Variants in MAP3K7 observed in about 807,000 individuals in gnomAD.
The protein encoded by MAP3K7 is mitogen-activated protein kinase kinase kinase 7.
In MAP3K7, 21 loss-of-function variants were observed where a neutral mutation model predicts 84.8. That is an observed-to-expected ratio of 0.25 (90% confidence interval 0.18 to 0.36). MAP3K7 has a LOEUF of 0.36. MAP3K7 is among the 10% of genes least tolerant of loss of function. The probability of loss-of-function intolerance (pLI) is 1.00; values close to 1 mark genes in which losing one functional copy is unlikely to be tolerated. For missense variants in MAP3K7, 503 were observed against 747.7 expected (o/e 0.67, Z 3.82); for synonymous variants, 241 against 247.7 (o/e 0.97, Z 0.25).
intron 1 of MAP3K7, among the ~76,000 whole-genome samples, chr6:90,574,835 C>T (rs1428821430): frequency 6.6e-6 from 1 of 152,176 alleles, no homozygotes; most frequent in African/African-American, 2.4e-5. Context: ...AAAACTTTCT[C>T]CTTTTTGCTC....
At chr6:90,525,061 T>A (rs905341172) in intron 13 of MAP3K7, among the ~76,000 whole-genome samples, 1 of 151,854 alleles carries the variant, frequency 6.6e-6, no homozygotes, top group Non-Finnish European at 1.5e-5. Flanking sequence ...AGCAAACTTA[T>A]CAGTAACCAC....
Position 90,516,462 on chromosome 6 carries a change from C to T in MAP3K7, c.*39G>A. On this transcript the variant is annotated 3_prime_UTR_variant, in exon 17 of 17. Coordinates refer to ENST00000369329, the MANE Select transcript of MAP3K7 (RefSeq NM_145331.3). ...GTTTTCCTTTCCTTAAAAAAAAAGT[C>T]TTTCTTTGCATATTTCAAAATGTAA... 1 of 1,584,292 alleles carries T rather than the reference C, an allele frequency of 6.3e-7. No individual in the cohort carries two copies. The highest frequency in any genetic ancestry group is 8.6e-7 in the Non-Finnish European group (1 of 1,169,012).
intron 12 of MAP3K7, among the ~76,000 whole-genome samples, chr6:90,537,873 TA>T (rs1775728945): frequency 6.6e-6 from 1 of 151,956 alleles, no homozygotes; most frequent in East Asian, 1.9e-4. Context: ...GACAGGCTTG[TA>T]AAAGTGTCTG....
chr6:90,522,894 T>C lies in MAP3K7; in HGVS notation c.1462+784A>G, dbSNP rs551442712. On this transcript the variant is annotated intron_variant, in intron 14 of 16. Coordinates refer to ENST00000369329, the MANE Select transcript of MAP3K7 (RefSeq NM_145331.3). The stretch of plus-strand genomic sequence containing the variant: ...TATAAAATATCAAATGCTTTAATTT[T>C]CCAAGGGCTAAGAGATCATCTTTCC... Among the ~76,000 whole-genome samples, 92 of 152,274 alleles carry C rather than the reference T, an allele frequency of 6.0e-4. 1 individual carries two copies. The South Asian group carries it at 0.016, about 27-fold the overall frequency.
At chr6:90,574,986 T>A (rs1777024833) in intron 1 of MAP3K7, among the ~76,000 whole-genome samples, 1 of 152,040 alleles carries the variant, frequency 6.6e-6, no homozygotes, top group Admixed American at 6.5e-5. Flanking sequence ...GATCTAAAGT[T>A]ATAATAAAGA....
Position 90,586,819 on chromosome 6 carries a change from G to T in MAP3K7, c.65C>A (p.Pro22His). 6.2e-7 allele frequency: 1 copy of T among 1,610,996 alleles called. No homozygotes were observed. Among genetic ancestry groups the T allele is most frequent in the Middle Eastern group, 1.7e-4 (1 of 6,032 alleles). ...CTCTTCAAAGTTGAGGACCTGGGAA[G>T]GGGCTTCGATCATCTCACCGGCCGA... ...SSSAGEMIEA[P>H]SQVLNFEEID... Residue 22 changes from proline (P) to histidine (H), a missense_variant, in exon 1 of 17, where the codon CCT (proline) becomes CAT (histidine). By Grantham distance (77) the Pro-to-His change is moderately conservative. Around this residue, in one of 5 missense-constraint regions of MAP3K7, gnomAD observed 41 missense variants for 41.4 expected, o/e 0.99. Transcript: ENST00000369329.
intron 8 of MAP3K7, 74 bp downstream of exon 8, chr6:90,551,975 T>G: frequency 6.7e-7 from 1 of 1,491,066 alleles, no homozygotes. Context: ...ATAACATCCC[T>G]TTTAAAATTC....
At chr6:90,583,285 C>T (rs1229318881) in intron 1 of MAP3K7, among the ~76,000 whole-genome samples, 1 of 152,098 alleles carries the variant, frequency 6.6e-6, no homozygotes, top group Non-Finnish European at 1.5e-5. Context: ...ATTTTGTTTC[C>T]CCTTTCCCAT....
At chr6:90,534,966 G>GA (rs958861103) in intron 13 of MAP3K7, among the ~76,000 whole-genome samples, 3 of 152,068 alleles carry the variant, frequency 2.0e-5, no homozygotes, top group African/African-American at 7.2e-5. Flanking sequence ...CTGAGGGGGA[G>GA]AAAACGGGAA....
At chr6:90,558,077 C>G (rs1175396489) in intron 5 of MAP3K7, among the ~76,000 whole-genome samples, 1 of 152,214 alleles carries the variant, frequency 6.6e-6, no homozygotes, top group Non-Finnish European at 1.5e-5. Context: ...AATCCCAGCA[C>G]TTTGGGAGGC....
At chr6:90,554,047 A>G (rs938983001) in intron 6 of MAP3K7, among the ~76,000 whole-genome samples, 1 of 152,138 alleles carries the variant, frequency 6.6e-6, no homozygotes, top group African/African-American at 2.4e-5. Flanking sequence ...CTGGGGCTAC[A>G]GGCATGCGCT....
chr6:90,586,133 G>C (rs1351399829), intron 1 of MAP3K7, among the ~76,000 whole-genome samples: 1 of 152,002 alleles, frequency 6.6e-6, no homozygotes, highest in Non-Finnish European at 1.5e-5. Flanking sequence ...AGCACTTTGG[G>C]AGGCCGAGGC....
chr6:90,558,855 T>C (rs1377305956), intron 5 of MAP3K7, among the ~76,000 whole-genome samples: 1 of 152,206 alleles, frequency 6.6e-6, no homozygotes, highest in Non-Finnish European at 1.5e-5. Context: ...GGGATACTTT[T>C]GGGTGTTGCA....
chr6:90,553,529 A>G lies in MAP3K7; in HGVS notation c.665T>C (p.Val222Ala). The part of the protein sequence containing the change: ...VFSWGIILWE[V>A]ITRRKPFDEI... ...ATCAAAGGGTTTCCGACGCGTTATC[A>G]CTTCCCAAAGAATAATACCCCAGCT... Residue 222 changes from valine to alanine, a missense_variant, in exon 7 of 17, where the codon GTG (valine) becomes GCG (alanine). Transcript: ENST00000369329. The G allele has an allele frequency of 6.2e-7, 1 of 1,613,990 alleles. No individual in the cohort carries two copies. The highest frequency in any genetic ancestry group is 1.3e-5 in the African/African-American group (1 of 75,002).
At chr6:90,538,179 CAGAT>C (rs962657364) in intron 12 of MAP3K7, among the ~76,000 whole-genome samples, 2 of 151,856 alleles carry the variant, frequency 1.3e-5, no homozygotes, top group African/African-American at 4.8e-5. Flanking sequence ...AACCATCTGG[CAGAT>C]AGTTCAGACA....
chr6:90,534,304 A>AT (rs1475612722), intron 13 of MAP3K7, among the ~76,000 whole-genome samples: 1 of 152,186 alleles, frequency 6.6e-6, no homozygotes, highest in Non-Finnish European at 1.5e-5. Flanking sequence ...CTTATCATAC[A>AT]TTTTTTGGGA....
At chr6:90,528,635 ATAG>A (rs71655195) in intron 13 of MAP3K7, among the ~76,000 whole-genome samples, 4,103 of 152,248 alleles carry the variant, frequency 0.027, 64 homozygotes, top group Middle Eastern at 0.044. Flanking sequence ...TTGTGTGTAC[ATAG>A]TAGGTACATA....
intron 12 of MAP3K7, among the ~76,000 whole-genome samples, chr6:90,541,878 T>C (rs914256073): frequency 6.6e-6 from 1 of 152,024 alleles, no homozygotes; most frequent in African/African-American, 2.4e-5. Flanking sequence ...TTGTGATGCT[T>C]GAAGGATTGC....
Position 90,586,985 on chromosome 6 carries a change from G to T in MAP3K7, c.-102C>A. Reference sequence around the variant, plus strand: ...CCGGACCGACCCTCAGCCTGGAGCCGCGCAGTCCTACTACCCGGCGATCCG... The same window carrying T: ...CCGGACCGACCCTCAGCCTGGAGCCTCGCAGTCCTACTACCCGGCGATCCG... On this transcript the variant is annotated 5_prime_UTR_variant, in exon 1 of 17. Coordinates refer to ENST00000369329, the MANE Select transcript of MAP3K7 (RefSeq NM_145331.3). 1 of 1,348,782 alleles carries T rather than the reference G, an allele frequency of 7.4e-7. No homozygotes were observed. Among genetic ancestry groups the T allele is most frequent in the Non-Finnish European group, 9.7e-7 (1 of 1,035,628 alleles). 83.6% of individuals were successfully genotyped at this position (1,348,782 alleles called of 1,614,324 possible).
Sources: gnomAD v4.1 joint callset for allele counts (sites outside exome capture counted in the v4.1 genomes callset) on GRCh38, gnomAD v4.1.1 for gene constraint, gnomAD v4.1.1 regional missense constraint, MANE v1.5 for transcripts, NCBI Gene and HGNC (gene_info 2026-07-23, HGNC 2026-07-21) for gene names.